The following CCSER1 variants were observed in gnomAD, a reference collection of about 807,000 sequenced individuals.
CCSER1 encodes coiled-coil serine rich protein 1.
A neutral mutation model predicts 82.0 loss-of-function variants in CCSER1; 41 were observed. The observed-to-expected ratio is 0.50, with a 90% CI of 0.39 to 0.65. CCSER1 has a LOEUF of 0.65. Ranked by LOEUF, CCSER1 falls within the 30% of genes least tolerant of loss-of-function variation. The pLI is 0.00. For synonymous variants in CCSER1, 414 were observed against 383.9 expected (o/e 1.08, Z -0.92); for missense variants, 1,119 against 1,064.2 (o/e 1.05, Z -0.72).
At chr4:90,719,505 G>A (rs1742301071) in intron 6 of CCSER1, among the ~76,000 whole-genome samples, 1 of 151,966 alleles carries the variant, frequency 6.6e-6, no homozygotes, top group Non-Finnish European at 1.5e-5. Flanking sequence ...CCATGAAAAC[G>A]GTCCCTCATG....
intron 10 of CCSER1, among the ~76,000 whole-genome samples, chr4:91,290,352 A>G (rs987942327): frequency 6.6e-6 from 1 of 152,008 alleles, no homozygotes; most frequent in Non-Finnish European, 1.5e-5. Flanking sequence ...GGCCTTATTT[A>G]AATTATATTT....
At chr4:90,864,321 G>A (rs1056461941) in intron 8 of CCSER1, among the ~76,000 whole-genome samples, 1 of 151,952 alleles carries the variant, frequency 6.6e-6, no homozygotes, top group African/African-American at 2.4e-5. Context: ...GTCCCCCAAA[G>A]TTCATGTGTT....
At chr4:90,736,874 A>G (rs1745738209) in intron 7 of CCSER1, among the ~76,000 whole-genome samples, 5 of 151,786 alleles carry the variant, frequency 3.3e-5, no homozygotes, top group African/African-American at 4.8e-5. Context: ...GTTTTTTGAT[A>G]TGAGGTTATC....
chr4:90,911,822 A>G (rs1726422236), intron 8 of CCSER1, among the ~76,000 whole-genome samples: 1 of 152,218 alleles, frequency 6.6e-6, no homozygotes, highest in Admixed American at 6.5e-5. Context: ...ACGGCACACC[A>G]GGAGATTATA....
intron 5 of CCSER1, among the ~76,000 whole-genome samples, chr4:90,515,018 C>T (rs938494604): frequency 5.9e-5 from 9 of 151,664 alleles, no homozygotes; most frequent in African/African-American, 1.2e-4. Flanking sequence ...CCATCATGCC[C>T]GGCTGATTTT....
chr4:91,595,346 G>A (rs1323072995), intron 10 of CCSER1, among the ~76,000 whole-genome samples: 1 of 152,130 alleles, frequency 6.6e-6, no homozygotes, highest in South Asian at 2.1e-4. Flanking sequence ...CACAGTCTGT[G>A]TTCTGTGGAA....
chr4:91,574,209 A>T (rs1179493871), intron 10 of CCSER1, among the ~76,000 whole-genome samples: 3 of 152,112 alleles, frequency 2.0e-5, no homozygotes, highest in Non-Finnish European at 4.4e-5. Flanking sequence ...ATTTTGAGGA[A>T]ATTACTATTA....
At chr4:90,757,911 A>G (rs1749789385) in intron 7 of CCSER1, among the ~76,000 whole-genome samples, 3 of 151,836 alleles carry the variant, frequency 2.0e-5, no homozygotes. Flanking sequence ...AACCAGCTGT[A>G]CAATAGTCCT....
At chr4:91,589,767 A>G (rs12501003) in intron 10 of CCSER1, among the ~76,000 whole-genome samples, 10,629 of 152,010 alleles carry the variant, frequency 0.07, 416 homozygotes, top group Middle Eastern at 0.12. Flanking sequence ...TTATATTTTC[A>G]TAGATGTCTT....
intron 1 of CCSER1, among the ~76,000 whole-genome samples, chr4:90,189,461 C>T (rs1224757881): frequency 1.3e-5 from 2 of 151,670 alleles, no homozygotes; most frequent in Admixed American, 6.6e-5. Flanking sequence ...TGGCTTATGA[C>T]GTGCACTGAG....
At chr4:90,874,585 T>A (rs1314668682) in intron 8 of CCSER1, among the ~76,000 whole-genome samples, 2 of 152,114 alleles carry the variant, frequency 1.3e-5, no homozygotes, top group African/African-American at 4.8e-5. Context: ...CATTCCTAAG[T>A]ATCTATTTCT....
chr4:90,980,363 G>A (rs1736001347), intron 9 of CCSER1, among the ~76,000 whole-genome samples: 1 of 151,820 alleles, frequency 6.6e-6, no homozygotes, highest in Non-Finnish European at 1.5e-5. Context: ...CTGAGCAAGG[G>A]GGAGACCTGT....
intron 3 of CCSER1, among the ~76,000 whole-genome samples, chr4:90,391,483 T>TATATATATATATAC (rs1554021253): frequency 1.2e-5 from 1 of 84,970 alleles, no homozygotes; most frequent in Non-Finnish European, 2.0e-5. Flanking sequence ...TATATATATA[T>TATATATATATATAC]ATACACACAC....
At chr4:91,134,764 T>A (rs2148915510) in intron 10 of CCSER1, among the ~76,000 whole-genome samples, 1 of 152,230 alleles carries the variant, frequency 6.6e-6, no homozygotes, top group African/African-American at 2.4e-5. Flanking sequence ...ATTTTCAGTC[T>A]TAAAATACTC....
chr4:91,027,002 A>G (rs887058257), intron 9 of CCSER1, among the ~76,000 whole-genome samples: 10 of 152,150 alleles, frequency 6.6e-5, no homozygotes, highest in Admixed American at 2.6e-4. Flanking sequence ...AAAAATTTTT[A>G]AACAGAATTA....
At chr4:90,439,131 A>T (rs2153571437) in intron 4 of CCSER1, among the ~76,000 whole-genome samples, 1 of 152,172 alleles carries the variant, frequency 6.6e-6, no homozygotes, top group Non-Finnish European at 1.5e-5. Context: ...GTCACTAATA[A>T]AAAATACGAA....
At chr4:91,385,136 G>GA (rs1006788394) in intron 10 of CCSER1, among the ~76,000 whole-genome samples, 1 of 151,958 alleles carries the variant, frequency 6.6e-6, no homozygotes, top group African/African-American at 2.4e-5. Context: ...GTTATTCATT[G>GA]AAAAATGATT....
At chr4:90,305,456 G>A (rs1734089584) in intron 1 of CCSER1, among the ~76,000 whole-genome samples, 1 of 152,082 alleles carries the variant, frequency 6.6e-6, no homozygotes, top group Non-Finnish European at 1.5e-5. Flanking sequence ...GAAAAATATC[G>A]TGGCTGTAAG....
rs191505150 is a variant in CCSER1 at position 90,787,334 on chromosome 4, G to A, written c.2011-28428G>A. 1.3e-4 allele frequency among the ~76,000 whole-genome samples: 20 copies of A among 152,246 alleles called. No homozygotes were observed. In the East Asian group the frequency reaches 3.7e-3, roughly 28 times the overall value. On this transcript the variant is annotated intron_variant, in intron 7 of 10. Transcript: ENST00000509176. ...ATCTAATGCACCCATTATAACAAAAGACTGTAGCAAAGGCCACGGAGTTAT... is the reference window on the plus strand; with the variant it reads ...ATCTAATGCACCCATTATAACAAAAAACTGTAGCAAAGGCCACGGAGTTAT...
Sources: gnomAD v4.1 joint callset for allele counts (sites outside exome capture counted in the v4.1 genomes callset) on GRCh38, gnomAD v4.1.1 for gene constraint, MANE v1.5 for transcripts, NCBI Gene and HGNC (gene_info 2026-07-23, HGNC 2026-07-21) for gene names.